CREB3L1: variants seen among roughly 807,000 people sequenced by gnomAD.
CREB3L1 encodes the protein cAMP responsive element binding protein 3 like 1.
In CREB3L1, 33 loss-of-function variants were observed where a neutral mutation model predicts 54.5. The observed-to-expected ratio is 0.61, with a 90% CI of 0.46 to 0.81. The LOEUF is 0.81. Among genes scored for constraint, CREB3L1 ranks in the 30% least tolerant of loss-of-function variants. The pLI is 0.00. For synonymous variants in CREB3L1, 284 were observed against 286.4 expected (o/e 0.99, Z 0.08); for missense variants, 656 against 673.3 (o/e 0.97, Z 0.29).
At chr11:46,315,574 G>C (rs145146015) in intron 8 of CREB3L1, 2,452 of 190,628 alleles carry the variant, frequency 0.013, 19 homozygotes, top group Non-Finnish European at 0.02. Context: ...GCCCATGCCT[G>C]TAATCCCAAC....
chr11:46,292,861 A>G (rs577367651), intron 1 of CREB3L1, among the ~76,000 whole-genome samples: 22 of 152,154 alleles, frequency 1.4e-4, no homozygotes, highest in African/African-American at 5.3e-4. Flanking sequence ...GCCTCAAGCA[A>G]TCTTCCCACC....
At chr11:46,312,710 C>T in intron 7 of CREB3L1, 40 bp downstream of exon 7, 3 of 1,584,516 alleles carry the variant, frequency 1.9e-6, no homozygotes, top group Non-Finnish European at 2.6e-6. Flanking sequence ...ACTCCCTTGC[C>T]TGACCTGCCC....
intron 1 of CREB3L1, among the ~76,000 whole-genome samples, chr11:46,293,326 C>T (rs1815541826): frequency 6.6e-6 from 1 of 152,228 alleles, no homozygotes; most frequent in South Asian, 2.1e-4. Context: ...GCACTCGCTG[C>T]CATCGCTTCC....
chr11:46,312,217 C>A, intron 5 of CREB3L1, 108 bp from the exon 6 acceptor site: 1 of 899,492 alleles, frequency 1.1e-6, no homozygotes, highest in Non-Finnish European at 1.7e-6. Flanking sequence ...GAAACTGAGG[C>A]ATAGAGCATT....
At chr11:46,305,732 G>GTGTGTGTGTGTGTA (rs1480133780) in intron 2 of CREB3L1, among the ~76,000 whole-genome samples, 2 of 118,494 alleles carry the variant, frequency 1.7e-5, no homozygotes, top group African/African-American at 7.5e-5. Context: ...GTGTGTGTGT[G>GTGTGTGTGTGTGTA]TATATATATA....
chr11:46,298,874 C>A (rs923866015), intron 1 of CREB3L1, among the ~76,000 whole-genome samples: 2 of 152,044 alleles, frequency 1.3e-5, no homozygotes, highest in East Asian at 1.9e-4. Context: ...AAGGCCTGTA[C>A]GTGGATTAAC....
chr11:46,305,965 C>G (rs1031328791), intron 2 of CREB3L1, among the ~76,000 whole-genome samples: 7 of 151,812 alleles, frequency 4.6e-5, no homozygotes, highest in Non-Finnish European at 8.8e-5. Context: ...TCTCGATCTC[C>G]TGACCTCATG....
intron 2 of CREB3L1, among the ~76,000 whole-genome samples, chr11:46,300,502 C>T (rs2136345821): frequency 6.6e-6 from 1 of 152,364 alleles, no homozygotes; most frequent in South Asian, 2.1e-4. Flanking sequence ...TAGGGCCCAG[C>T]CTTCCAGGTG....
At chr11:46,305,108 C>G (rs1289225329) in intron 2 of CREB3L1, among the ~76,000 whole-genome samples, 1 of 152,144 alleles carries the variant, frequency 6.6e-6, no homozygotes, top group Non-Finnish European at 1.5e-5. Context: ...TCCAGCCCTG[C>G]CTTGAATGTT....
At chr11:46,312,073 C>T (rs538209746) in intron 5 of CREB3L1, among the ~76,000 whole-genome samples, 2 of 152,244 alleles carry the variant, frequency 1.3e-5, no homozygotes, top group East Asian at 1.9e-4. Flanking sequence ...TTTGAGGGTG[C>T]AGTCTCAGGG....
At chr11:46,316,673 C>T (rs1266057150) in intron 9 of CREB3L1, among the ~76,000 whole-genome samples, 9 of 152,116 alleles carry the variant, frequency 5.9e-5, no homozygotes, top group African/African-American at 1.2e-4. Flanking sequence ...CTTGAGGAGG[C>T]GGCTTCCACA....
intron 1 of CREB3L1, among the ~76,000 whole-genome samples, chr11:46,294,005 G>A (rs1939167867): frequency 6.6e-6 from 1 of 152,158 alleles, no homozygotes; most frequent in Non-Finnish European, 1.5e-5. Flanking sequence ...GCCTGTACAA[G>A]GCTGCACATG....
rs555889806 is a variant in CREB3L1 at position 46,279,401 on chromosome 11, C to G, written c.102+1188C>G. ...GCATGGGGGCTGAGGTCTCCCTGTTCTCCATTAAGCAGCACATCCTGGTCA... is the reference window on the plus strand; with the variant it reads ...GCATGGGGGCTGAGGTCTCCCTGTTGTCCATTAAGCAGCACATCCTGGTCA... On this transcript the variant is annotated intron_variant, in intron 1 of 11. Coordinates refer to ENST00000621158, the MANE Select transcript of CREB3L1 (RefSeq NM_052854.4). 2.6e-5 allele frequency among the ~76,000 whole-genome samples: 4 copies of G among 152,250 alleles called. No individual in the cohort carries two copies. In the South Asian group the frequency reaches 8.3e-4, roughly 32 times the overall value.
rs1170276270 is a variant in CREB3L1 at position 46,277,951 on chromosome 11, A to AC, written c.-158dup. 1 of 402,716 alleles carries AC rather than the reference A, an allele frequency of 2.5e-6. No homozygotes were observed. The highest frequency in any genetic ancestry group is 4.5e-5 in the Admixed American group (1 of 22,058). The allele number at this position is 402,716 out of a possible 1,614,324, so 24.9% of individuals were successfully genotyped here. A position where few individuals can be genotyped will look rare whatever the true frequency, so the allele number is the denominator to read the frequency against. On this transcript the variant is annotated 5_prime_UTR_variant, in exon 1 of 12. Coordinates refer to ENST00000621158, the MANE Select transcript of CREB3L1 (RefSeq NM_052854.4). The stretch of plus-strand genomic sequence containing the variant: ...GGCCCCCGCGCGCCCCGCGCCCCCC[A>AC]CCCGGGGCCGCGCCGCCTCCGTCCG...
intron 11 of CREB3L1, 43 bp from the exon 12 acceptor site, chr11:46,320,667 G>A (rs749206322): frequency 1.2e-4 from 187 of 1,597,102 alleles, no homozygotes; most frequent in Non-Finnish European, 1.5e-4. Flanking sequence ...GGGTAAGAGG[G>A]TTCCTGCTGG....
intron 2 of CREB3L1, among the ~76,000 whole-genome samples, chr11:46,304,285 C>T (rs1187713064): frequency 6.6e-6 from 1 of 152,102 alleles, no homozygotes; most frequent in African/African-American, 2.4e-5. Context: ...CCAGCCTAAC[C>T]AACATGGAGA....
chr11:46,287,883 G>A (rs1267113715), intron 1 of CREB3L1, among the ~76,000 whole-genome samples: 1 of 151,506 alleles, frequency 6.6e-6, no homozygotes, highest in Non-Finnish European at 1.5e-5. Flanking sequence ...GGCTGAGACA[G>A]AAGAATTGCT....
At chr11:46,308,726 C>A (rs1265167619) in intron 3 of CREB3L1, among the ~76,000 whole-genome samples, 1 of 152,226 alleles carries the variant, frequency 6.6e-6, no homozygotes, top group Non-Finnish European at 1.5e-5. Flanking sequence ...GGCCCTGCCC[C>A]CTGCTGGCCA....
intron 2 of CREB3L1, among the ~76,000 whole-genome samples, chr11:46,301,057 G>A (rs1229362308): frequency 6.7e-6 from 1 of 149,350 alleles, no homozygotes; most frequent in Non-Finnish European, 1.5e-5. Context: ...GTGGGTGCCT[G>A]TAATCCCAGC....
Sources: allele counts gnomAD v4.1 joint callset (sites outside exome capture counted in the v4.1 genomes callset), GRCh38; gene constraint gnomAD v4.1.1; transcripts MANE v1.5; gene names NCBI Gene and HGNC (gene_info 2026-07-23, HGNC 2026-07-21).